Variants in NPC1 observed in about 807,000 individuals in gnomAD.
NPC1 encodes the protein Niemann-Pick C1 protein.
A neutral mutation model predicts 140.4 loss-of-function variants in NPC1; 85 were observed. The observed-to-expected ratio is 0.61, with a 90% CI of 0.51 to 0.72. NPC1 has a LOEUF of 0.72. Among genes scored for constraint, NPC1 ranks in the 30% least tolerant of loss-of-function variants. The pLI is 0.00. For synonymous variants in NPC1, 656 were observed against 624.8 expected (o/e 1.05, Z -0.74); for missense variants, 1,504 against 1,623.8 (o/e 0.93, Z 1.27).
At chr18:23,567,368 T>C (rs2145517475) in intron 4 of NPC1, among the ~76,000 whole-genome samples, 1 of 152,336 alleles carries the variant, frequency 6.6e-6, no homozygotes, top group Admixed American at 6.5e-5. Context: ...TGTTTTAATT[T>C]GTAATTCTCT....
At chr18:23,564,203 C>T (rs1028170188) in intron 4 of NPC1, among the ~76,000 whole-genome samples, 1 of 151,802 alleles carries the variant, frequency 6.6e-6, no homozygotes, top group African/African-American at 2.4e-5. Context: ...AGGCTGGTCT[C>T]GAACTCCTGA....
chr18:23,531,684 A>T lies in NPC1; in HGVS notation c.*518T>A, dbSNP rs751618341. On this transcript the variant is annotated 3_prime_UTR_variant, in exon 25 of 25. Coordinates refer to ENST00000269228, the MANE Select transcript of NPC1 (RefSeq NM_000271.5). ...ACAGATTTTTGGAGACCAAGCTCTA[A>T]TGAGGCCTACAACATTCTGAAATCA... The T allele has an allele frequency of 1.9e-6, 3 of 1,613,244 alleles. No individual in the cohort carries two copies. In the South Asian group the frequency reaches 3.3e-5, roughly 18 times the overall value.
At chr18:23,564,377 C>CT (rs1168101118) in intron 4 of NPC1, among the ~76,000 whole-genome samples, 3 of 152,138 alleles carry the variant, frequency 2.0e-5, no homozygotes, top group African/African-American at 7.2e-5. Context: ...GAGTCTCACT[C>CT]TGTCACCCAG....
intron 23 of NPC1, chr18:23,533,729 C>A (rs531144729): frequency 1.3e-5 from 7 of 547,334 alleles, no homozygotes; most frequent in Middle Eastern, 9.9e-4. Context: ...TGGTCTCGAA[C>A]CCCTGGCCGC....
At chr18:23,549,441 CA>C in intron 10 of NPC1, among the ~76,000 whole-genome samples, 2 of 152,186 alleles carry the variant, frequency 1.3e-5, no homozygotes, top group Middle Eastern at 6.8e-3. Flanking sequence ...AGTTCAAGAC[CA>C]GTCTGGGCAA....
At chr18:23,528,875 TCTGAA>T, downstream of NPC1, 1 of 283,762 alleles carries the variant, frequency 3.5e-6, no homozygotes, top group South Asian at 4.0e-5. Flanking sequence ...TCTGCACGGA[TCTGAA>T]CTGCTTTTTT....
chr18:23,557,082 T>C, intron 7 of NPC1, 35 bp downstream of exon 7: 1 of 1,530,402 alleles, frequency 6.5e-7, no homozygotes, highest in Non-Finnish European at 9.1e-7. Context: ...GACAGCATCA[T>C]CTGAACCCTT....
At chr18:23,542,669 T>C (rs2058728622) in intron 14 of NPC1, among the ~76,000 whole-genome samples, 1 of 152,218 alleles carries the variant, frequency 6.6e-6, no homozygotes, top group Non-Finnish European at 1.5e-5. Flanking sequence ...CTTCTGGTCA[T>C]TAACAAGGCT....
At chr18:23,540,039 ACT>A (rs751378131) in intron 17 of NPC1, 38 bp from the exon 18 acceptor site, 2 of 1,550,532 alleles carry the variant, frequency 1.3e-6, no homozygotes, top group Non-Finnish European at 1.8e-6. Flanking sequence ...GAGTGTGAAC[ACT>A]CTGATAGTAA....
chr18:23,566,588 TA>T (rs10668198), intron 4 of NPC1, among the ~76,000 whole-genome samples: 20,034 of 151,574 alleles, frequency 0.13, 1,585 homozygotes, highest in Middle Eastern at 0.28. Context: ...TTCCAAAAAA[TA>T]AAATACTTAC....
At chr18:23,586,244 G>A in intron 1 of NPC1, 43 bp downstream of exon 1, 1 of 1,525,794 alleles carries the variant, frequency 6.6e-7, no homozygotes, top group Non-Finnish European at 8.8e-7. Context: ...TCTCGGCCCC[G>A]CCACGTCCCC....
Position 23,548,344 on chromosome 18 carries a change from T to TGAA in NPC1, c.1655-237_1655-236insTTC, listed in dbSNP as rs1454178136. ...ATCATTCAGGAAGAGTAACTCTTTT[T>TGAA]TTTTTTTTTTTTAAAGGATACAGTA... On this transcript the variant is annotated intron_variant, in intron 10 of 24. Transcript: ENST00000269228. 4.6e-5 allele frequency among the ~76,000 whole-genome samples: 7 copies of TGAA among 152,000 alleles called. No homozygotes were observed. In the East Asian group the frequency reaches 9.6e-4, roughly 21 times the overall value.
intron 2 of NPC1, 81 bp downstream of exon 2, chr18:23,573,371 T>C (rs2059230613): frequency 1.2e-5 from 19 of 1,591,484 alleles, no homozygotes; most frequent in Non-Finnish European, 1.6e-5. Flanking sequence ...ACCTCCACCC[T>C]GCAATAACAT....
intron 4 of NPC1, among the ~76,000 whole-genome samples, 173 bp from the exon 5 acceptor site, chr18:23,561,700 T>C (rs534487363): frequency 6.6e-6 from 1 of 152,300 alleles, no homozygotes; most frequent in Admixed American, 6.5e-5. Context: ...TTAAATTGGC[T>C]TATCACCCTG....
At chr18:23,543,334 A>AAAAAAAAAAAAAAG in intron 14 of NPC1, 121 bp downstream of exon 14, 1 of 545,196 alleles carries the variant, frequency 1.8e-6, no homozygotes, top group African/African-American at 2.1e-5. Context: ...GTCTCAGAGA[A>AAAAAAAAAAAAAAG]AAAAAAAAAA....
chr18:23,567,717 G>A (rs543558131), intron 4 of NPC1, among the ~76,000 whole-genome samples: 9 of 152,312 alleles, frequency 5.9e-5, no homozygotes, highest in African/African-American at 1.7e-4. Flanking sequence ...ATTTCTGGGA[G>A]GAGGGTTAGC....
intron 8 of NPC1, 132 bp downstream of exon 8, chr18:23,556,111 A>G: frequency 8.7e-6 from 7 of 807,634 alleles, no homozygotes; most frequent in Non-Finnish European, 1.3e-5. Flanking sequence ...CAGCTTTGCC[A>G]TTATACGCTA....
chr18:23,532,288 T>TGA lies in NPC1; in HGVS notation c.3755-6_3755-5dup, dbSNP rs760529810. 395 of 1,613,910 alleles carry TGA rather than the reference T, an allele frequency of 2.4e-4. No individual in the cohort carries two copies. Among genetic ancestry groups the TGA allele is most frequent in the Non-Finnish European group, 3.2e-4 (372 of 1,179,966 alleles). On this transcript the variant is annotated splice_polypyrimidine_tract_variant and splice_region_variant and intron_variant, in intron 24 of 24. Coordinates refer to ENST00000269228, the MANE Select transcript of NPC1 (RefSeq NM_000271.5). ...TTGGCTTTATTTACTGATGGCCCTATGAGAGAGAGAGACTTTTTCTTATTT... is the reference window on the plus strand; with the variant it reads ...TTGGCTTTATTTACTGATGGCCCTATGAGAGAGAGAGAGACTTTTTCTTATTT...
chr18:23,529,986 A>C (rs1296806485), downstream of NPC1: 1 of 1,533,992 alleles, frequency 6.5e-7, no homozygotes, highest in Non-Finnish European at 9.0e-7. Context: ...TTGTAGCTGA[A>C]TGATTTGGAA....
Sources: gnomAD v4.1 joint callset for allele counts (sites outside exome capture counted in the v4.1 genomes callset) on GRCh38, gnomAD v4.1.1 for gene constraint, MANE v1.5 for transcripts, NCBI Gene and HGNC (gene_info 2026-07-23, HGNC 2026-07-21) for gene names.